Variants in NECTIN1 observed in about 807,000 individuals in gnomAD.
NECTIN1 encodes the protein nectin cell adhesion molecule 1.
Under a neutral mutation model 48.0 loss-of-function variants are expected in NECTIN1, and 23 were observed. That is an observed-to-expected ratio of 0.48 (90% CI 0.34 to 0.68). The LOEUF (loss-of-function observed/expected upper bound fraction) is 0.68. NECTIN1 is among the 30% of genes least tolerant of loss of function. The probability of loss-of-function intolerance (pLI) is 0.01; values close to 1 mark genes in which losing one functional copy is unlikely to be tolerated. For synonymous variants in NECTIN1, 270 were observed against 288.9 expected (o/e 0.93, Z 0.66); for missense variants, 591 against 709.9 (o/e 0.83, Z 1.90).
chr11:119,655,315 T>A (rs1864554731), intron 5 of NECTIN1, among the ~76,000 whole-genome samples: 1 of 152,058 alleles, frequency 6.6e-6, no homozygotes, highest in Admixed American at 6.5e-5. Context: ...TCCACATAGG[T>A]ATGGCCTCTC....
At chr11:119,680,370 T>C (rs1865038278) in intron 1 of NECTIN1, among the ~76,000 whole-genome samples, 1 of 152,180 alleles carries the variant, frequency 6.6e-6, no homozygotes, top group Non-Finnish European at 1.5e-5. Flanking sequence ...GCGTCATCAA[T>C]AGCATTAATA....
downstream of NECTIN1, among the ~76,000 whole-genome samples, chr11:119,658,603 C>T (rs555239721): frequency 6.6e-6 from 1 of 152,300 alleles, no homozygotes; most frequent in Admixed American, 6.5e-5. Context: ...AATCCATGTC[C>T]TTCTCATTCT....
chr11:119,638,707 T>C, intron 7 of NECTIN1: 2 of 1,605,410 alleles, frequency 1.2e-6, no homozygotes, highest in Non-Finnish European at 1.7e-6. Context: ...CCAGGGACCT[T>C]GTCCTCTGCT....
At chr11:119,659,064 A>C (rs1864620227), downstream of NECTIN1, 1 of 152,158 alleles carries the variant, frequency 6.6e-6, no homozygotes, top group African/African-American at 2.4e-5. Context: ...GCCCAGGTGA[A>C]ATGTCGCTTC....
chr11:119,709,036 C>G lies in NECTIN1; in HGVS notation c.79+19439G>C, dbSNP rs955400097. 6.6e-6 allele frequency among the ~76,000 whole-genome samples: 1 copy of G among 152,000 alleles called. No homozygotes were observed. The highest frequency in any genetic ancestry group is 1.5e-5 in the Non-Finnish European group (1 of 67,980). ...CTGGGGGAGGGGGCACCGGAGAGAT[C>G]CTGAGACACTCTACCCCCCACGCCC... On this transcript the variant is annotated intron_variant, in intron 1 of 5. Transcript: ENST00000264025. The surrounding 1 kb of genome is among the most constrained non-coding windows in gnomAD (Gnocchi z 4.1).
chr11:119,667,947 T>C (rs997037895), intron 5 of NECTIN1, among the ~76,000 whole-genome samples: 5 of 152,178 alleles, frequency 3.3e-5, no homozygotes, highest in Non-Finnish European at 7.3e-5. Flanking sequence ...GGTCGAGATG[T>C]TGGCTTAGAC....
intron 5 of NECTIN1, among the ~76,000 whole-genome samples, chr11:119,645,763 T>C (rs10892426): frequency 0.81 from 122,703 of 152,102 alleles, 52,786 homozygotes; most frequent in South Asian, 0.99. Context: ...ACTCTCCCCT[T>C]CCCTTGCTCA....
At chr11:119,710,532 A>T (rs569293288) in intron 1 of NECTIN1, among the ~76,000 whole-genome samples, 2 of 152,222 alleles carry the variant, frequency 1.3e-5, no homozygotes, top group Non-Finnish European at 2.9e-5. Context: ...ACAAAGTGCC[A>T]TGATGATACA....
chr11:119,690,037 G>T (rs1865226106), intron 1 of NECTIN1, among the ~76,000 whole-genome samples: 1 of 152,242 alleles, frequency 6.6e-6, no homozygotes, highest in African/African-American at 2.4e-5. Context: ...CCCAGGTGGG[G>T]CTGGGCCTTC....
At chr11:119,728,424 C>A in intron 1 of NECTIN1, 51 bp downstream of exon 1, 1 of 1,515,128 alleles carries the variant, frequency 6.6e-7, no homozygotes. Flanking sequence ...GGCTCCCAGC[C>A]CCGGGGAGGC....
chr11:119,725,611 T>C (rs1250820227), intron 1 of NECTIN1, among the ~76,000 whole-genome samples: 1 of 152,138 alleles, frequency 6.6e-6, no homozygotes, highest in Non-Finnish European at 1.5e-5. Flanking sequence ...GACACCACTG[T>C]ATGTGAGAAA....
At chr11:119,640,123 G>A (rs1022678320) in intron 5 of NECTIN1, 1 of 1,185,740 alleles carries the variant, frequency 8.4e-7, no homozygotes, top group East Asian at 2.5e-5. Context: ...CTTTGACATT[G>A]CACCCCCAGC....
In NECTIN1 at chr11:119,663,878, CCTTGGGCAGTGT is replaced by C; in HGVS notation, c.*857_*868del. The C allele has an allele frequency of 1.0e-6, 1 of 986,148 alleles. No individual in the cohort carries two copies. The highest frequency in any genetic ancestry group is 1.2e-6 in the Non-Finnish European group (1 of 830,538). The allele number at this position is 986,148 out of a possible 1,614,324, so 61.1% of individuals were successfully genotyped here. A position where few individuals can be genotyped will look rare whatever the true frequency, so the allele number is the denominator to read the frequency against. ...AATGAGGTGGAAATAGACGGGTGGG[CCTTGGGCAGTGT>C]CTGGATGGGGCAGGGCATGGGACTC... On this transcript the variant is annotated 3_prime_UTR_variant, in exon 6 of 6. Transcript: ENST00000264025.
rs1864678030 is a variant in NECTIN1 at position 119,662,195 on chromosome 11, C to A, written c.*2552G>T. The A allele has an allele frequency of 5.1e-6, 5 of 985,434 alleles. No individual in the cohort carries two copies. Among genetic ancestry groups the A allele is most frequent in the Non-Finnish European group, 6.0e-6 (5 of 829,942 alleles). 61.0% of individuals were successfully genotyped at this position (985,434 alleles called of 1,614,324 possible). On this transcript the variant is annotated 3_prime_UTR_variant, in exon 6 of 6. Transcript: ENST00000264025. The surrounding 1 kb of genome is among the most constrained non-coding windows in gnomAD (Gnocchi z 5.3). Reference sequence around the variant, plus strand: ...TCATGCTGTGGGCATGAAGGAGAAGCAAAATGTCCTCATCTCTCTGCTGGG... The same window carrying A: ...TCATGCTGTGGGCATGAAGGAGAAGAAAAATGTCCTCATCTCTCTGCTGGG...
chr11:119,696,434 T>C (rs1176852199), intron 1 of NECTIN1, among the ~76,000 whole-genome samples: 1 of 136,466 alleles, frequency 7.3e-6, no homozygotes, highest in African/African-American at 2.7e-5. Context: ...GCCCGCCCCC[T>C]GGGGTGGGGT....
rs999948341 is a variant in NECTIN1, at chr11:119,709,613, G to C, written c.79+18862C>G. On this transcript the variant is annotated intron_variant, in intron 1 of 5. Transcript: ENST00000264025. The surrounding 1 kb of genome is among the most constrained non-coding windows in gnomAD (Gnocchi z 4.1). ...CTTGAATGGAAGCAGGGAGGGAGGG[G>C]AGCCCCGTGTGGGAAGCCTGAAAGG... Among the ~76,000 whole-genome samples, 1 of 152,114 alleles carries C rather than the reference G, an allele frequency of 6.6e-6. No homozygotes were observed. Among genetic ancestry groups the C allele is most frequent in the Admixed American group, 6.5e-5 (1 of 15,268 alleles).
At chr11:119,692,265 C>T (rs182395703) in intron 1 of NECTIN1, among the ~76,000 whole-genome samples, 4 of 152,386 alleles carry the variant, frequency 2.6e-5, no homozygotes, top group South Asian at 2.1e-4. Context: ...GGAACCAGCA[C>T]GTAGGCTCGG....
At chr11:119,719,025 A>G (rs968492667) in intron 1 of NECTIN1, among the ~76,000 whole-genome samples, 1 of 152,202 alleles carries the variant, frequency 6.6e-6, no homozygotes, top group African/African-American at 2.4e-5. Context: ...GGCTTTAATA[A>G]TTCTGTGGAT....
chr11:119,704,065 G>A (rs560811825), intron 1 of NECTIN1, among the ~76,000 whole-genome samples: 71 of 152,234 alleles, frequency 4.7e-4, no homozygotes, highest in African/African-American at 1.3e-3. Flanking sequence ...CCAGGAACAC[G>A]GTTCTCCGGG....
Sources: gnomAD v4.1 joint callset for allele counts (sites outside exome capture counted in the v4.1 genomes callset) on GRCh38, gnomAD v4.1.1 for gene constraint, Gnocchi (gnomAD v3.1) non-coding constraint, MANE v1.5 for transcripts, NCBI Gene and HGNC (gene_info 2026-07-23, HGNC 2026-07-21) for gene names.